FHIT: variants seen among roughly 807,000 people sequenced by gnomAD.
FHIT encodes the protein bis(5'-adenosyl)-triphosphatase.
A neutral mutation model predicts 17.9 loss-of-function variants in FHIT; 19 were observed. The observed-to-expected ratio is 1.06, with a 90% CI of 0.74 to 1.56. The LOEUF (loss-of-function observed/expected upper bound fraction) is 1.56, where lower values mean the gene tolerates loss of function less well. Ranked by LOEUF, FHIT falls within the 40% of genes most tolerant of loss-of-function variation. The pLI is 0.00. For synonymous variants in FHIT, 81 were observed against 69.7 expected (o/e 1.16, Z -0.81); for missense variants, 248 against 189.2 (o/e 1.31, Z -1.82).
intron 4 of FHIT, among the ~76,000 whole-genome samples, chr3:60,773,906 A>G (rs1700129983): frequency 1.3e-5 from 2 of 152,238 alleles, no homozygotes; most frequent in South Asian, 2.1e-4. Flanking sequence ...CTTCTTGATT[A>G]GTATTTTTCC....
rs866041787 is a variant in FHIT at position 60,281,000 on chromosome 3, A to G, written c.103+255860T>C. On this transcript the variant is annotated intron_variant, in intron 5 of 9. Transcript: ENST00000492590. ...CAACTGCAGCAATGTTTCAGGATAA[A>G]ATTTTTCTTTTATCCTGAAAAAAAC... Among the ~76,000 whole-genome samples, 104 of 152,372 alleles carry G rather than the reference A, an allele frequency of 6.8e-4. 1 individual carries two copies. The highest frequency in any genetic ancestry group is 2.4e-3 in the African/African-American group (98 of 41,582).
intron 5 of FHIT, among the ~76,000 whole-genome samples, chr3:60,133,621 C>G (rs1312542982): frequency 6.6e-6 from 1 of 151,894 alleles, no homozygotes; most frequent in Non-Finnish European, 1.5e-5. Context: ...GTGTGGGGAC[C>G]AGGGGGCAGA....
chr3:60,195,633 A>G (rs1352528464), intron 5 of FHIT, among the ~76,000 whole-genome samples: 1 of 146,666 alleles, frequency 6.8e-6, no homozygotes, highest in Non-Finnish European at 1.5e-5. Flanking sequence ...ATATTAATAT[A>G]CATATAAACA....
At chr3:61,045,998 A>G (rs543729697) in intron 2 of FHIT, among the ~76,000 whole-genome samples, 5 of 152,338 alleles carry the variant, frequency 3.3e-5, no homozygotes, top group African/African-American at 1.2e-4. Context: ...TAGTGTGTAG[A>G]GGGAAATTTA....
intron 3 of FHIT, among the ~76,000 whole-genome samples, chr3:60,829,957 GAGA>G (rs1402339977): frequency 3.3e-5 from 5 of 150,882 alleles, no homozygotes; most frequent in African/African-American, 9.7e-5. Context: ...GTACCAGGAA[GAGA>G]AGGATGACCA....
At chr3:60,852,089 T>C (rs1233441112) in intron 3 of FHIT, among the ~76,000 whole-genome samples, 2 of 152,082 alleles carry the variant, frequency 1.3e-5, no homozygotes, top group African/African-American at 4.8e-5. Context: ...CCCTCCCTAA[T>C]GTGTGTGGAC....
intron 5 of FHIT, among the ~76,000 whole-genome samples, chr3:60,040,747 G>C (rs1701405154): frequency 6.6e-6 from 1 of 152,134 alleles, no homozygotes; most frequent in Non-Finnish European, 1.5e-5. Context: ...GGAGAGACTG[G>C]GGAGCTGGTC....
chr3:60,186,807 T>C (rs572551183), intron 5 of FHIT, among the ~76,000 whole-genome samples: 3 of 140,114 alleles, frequency 2.1e-5, no homozygotes, highest in South Asian at 2.3e-4. Context: ...GATGTTTTTA[T>C]TGTATTTGTT....
At chr3:60,051,388 C>A (rs1430974087) in intron 5 of FHIT, among the ~76,000 whole-genome samples, 1 of 143,932 alleles carries the variant, frequency 6.9e-6, no homozygotes, top group African/African-American at 2.6e-5. Context: ...GCCAACTGAT[C>A]AGACCATGAC....
intron 3 of FHIT, among the ~76,000 whole-genome samples, chr3:60,920,000 CT>C (rs1321385910): frequency 6.6e-6 from 1 of 151,464 alleles, no homozygotes; most frequent in Non-Finnish European, 1.5e-5. Flanking sequence ...CACCACTGCA[CT>C]CCAGCCTGGG....
intron 5 of FHIT, among the ~76,000 whole-genome samples, chr3:60,513,324 C>G (rs989471728): frequency 6.6e-6 from 1 of 152,162 alleles, no homozygotes. Context: ...CTTATATACA[C>G]AGACCACCCA....
chr3:60,203,901 A>G (rs1209903151), intron 5 of FHIT, among the ~76,000 whole-genome samples: 2 of 152,160 alleles, frequency 1.3e-5, no homozygotes, highest in Admixed American at 6.5e-5. Flanking sequence ...GAACAATTGA[A>G]CTTGTGAAGA....
chr3:60,460,158 A>C (rs185304089), intron 5 of FHIT, among the ~76,000 whole-genome samples: 1 of 152,326 alleles, frequency 6.6e-6, no homozygotes, highest in Non-Finnish European at 1.5e-5. Flanking sequence ...ATGTCTATCA[A>C]ACTTGTCTTG....
chr3:60,095,401 C>T (rs1703904797), intron 5 of FHIT, among the ~76,000 whole-genome samples: 1 of 152,190 alleles, frequency 6.6e-6, no homozygotes, highest in South Asian at 2.1e-4. Flanking sequence ...TCAATTGCTT[C>T]TCTCATTTCC....
At chr3:60,942,529 C>T (rs967715125) in intron 3 of FHIT, among the ~76,000 whole-genome samples, 7 of 152,012 alleles carry the variant, frequency 4.6e-5, no homozygotes, top group Non-Finnish European at 5.9e-5. Context: ...ATATTTAGCT[C>T]CCATTTTTCA....
intron 2 of FHIT, among the ~76,000 whole-genome samples, chr3:61,172,060 T>A (rs952260588): frequency 1.3e-5 from 2 of 152,202 alleles, no homozygotes; most frequent in African/African-American, 4.8e-5. Flanking sequence ...TTCATGTCAA[T>A]CATTTTGTTT....
At chr3:60,381,954 G>A (rs930524631) in intron 5 of FHIT, among the ~76,000 whole-genome samples, 5 of 138,584 alleles carry the variant, frequency 3.6e-5, no homozygotes, top group African/African-American at 1.3e-4. Context: ...CTACAAGTAG[G>A]TATTTACATT....
At chr3:60,129,183 G>A (rs924902931) in intron 5 of FHIT, among the ~76,000 whole-genome samples, 1 of 151,054 alleles carries the variant, frequency 6.6e-6, no homozygotes, top group African/African-American at 2.4e-5. Context: ...CTCCCAAGTA[G>A]CTGGGACTAC....
chr3:61,006,707 A>G (rs1241394343), intron 3 of FHIT, among the ~76,000 whole-genome samples: 1 of 152,096 alleles, frequency 6.6e-6, no homozygotes. Context: ...AAACCTTTAC[A>G]AACCCTTAAG....
Sources: gnomAD v4.1 joint callset for allele counts (sites outside exome capture counted in the v4.1 genomes callset) on GRCh38, gnomAD v4.1.1 for gene constraint, MANE v1.5 for transcripts, NCBI Gene and HGNC (gene_info 2026-07-23, HGNC 2026-07-21) for gene names.